The following GALNT17 variants were observed in gnomAD, a reference collection of about 807,000 sequenced individuals.
GALNT17 encodes polypeptide N-acetylgalactosaminyltransferase 17.
Under a neutral mutation model 63.7 loss-of-function variants are expected in GALNT17, and 29 were observed. The ratio of observed to expected loss-of-function variants is 0.46; its 90% CI spans 0.34 to 0.62. The LOEUF (loss-of-function observed/expected upper bound fraction) is 0.62. GALNT17 is among the 20% of genes least tolerant of loss of function. The pLI, the probability that GALNT17 is intolerant of heterozygous loss-of-function variation, is 0.01. For synonymous variants in GALNT17, 305 were observed against 318.3 expected, an observed-to-expected ratio of 0.96 and a Z score of 0.45; for missense variants, 603 against 799.6, an observed-to-expected ratio of 0.75 and a Z score of 2.97.
intron 2 of GALNT17, among the ~76,000 whole-genome samples, chr7:71,365,978 G>A (rs1441134052): frequency 6.6e-6 from 1 of 152,158 alleles, no homozygotes; most frequent in Non-Finnish European, 1.5e-5. Context: ...TCCCATCTGG[G>A]GGTGATGGGA....
intron 6 of GALNT17, among the ~76,000 whole-genome samples, chr7:71,627,498 C>G (rs564520477): frequency 1.3e-5 from 2 of 152,160 alleles, no homozygotes; most frequent in Non-Finnish European, 2.9e-5. Flanking sequence ...TTGAGATACC[C>G]CAATGGCGGG....
chr7:71,299,065 G>A (rs532699734), intron 1 of GALNT17, among the ~76,000 whole-genome samples: 7 of 152,194 alleles, frequency 4.6e-5, no homozygotes, highest in South Asian at 2.1e-4. Context: ...ACTCACCTGC[G>A]GAGAGAGGGA....
chr7:71,411,338 T>C (rs1793426771), intron 3 of GALNT17, among the ~76,000 whole-genome samples: 1 of 152,006 alleles, frequency 6.6e-6, no homozygotes, highest in Non-Finnish European at 1.5e-5. Flanking sequence ...TAGGCTGGTC[T>C]CGAACTCCTG....
At chr7:71,326,018 A>T (rs1791698083) in intron 1 of GALNT17, among the ~76,000 whole-genome samples, 2 of 152,210 alleles carry the variant, frequency 1.3e-5, no homozygotes, top group South Asian at 4.1e-4. Context: ...GCTTAATATC[A>T]GAGAAGGCTA....
chr7:71,526,918 A>T (rs898324946), intron 5 of GALNT17, among the ~76,000 whole-genome samples: 1 of 152,124 alleles, frequency 6.6e-6, no homozygotes, highest in African/African-American at 2.4e-5. Context: ...ATTTCTATGG[A>T]GCTGTAATCT....
intron 9 of GALNT17, among the ~76,000 whole-genome samples, chr7:71,687,206 C>A (rs1791372632): frequency 1.3e-5 from 2 of 152,220 alleles, no homozygotes; most frequent in Admixed American, 6.5e-5. Context: ...TCAGTTAATT[C>A]ATCACCAAAA....
intron 1 of GALNT17, among the ~76,000 whole-genome samples, chr7:71,211,553 T>A (rs987043409): frequency 6.6e-6 from 1 of 152,146 alleles, no homozygotes; most frequent in African/African-American, 2.4e-5. Context: ...GAAGCAGCTT[T>A]GGAATTGGGT....
intron 5 of GALNT17, among the ~76,000 whole-genome samples, chr7:71,445,585 A>G (rs188018408): frequency 4.1e-4 from 62 of 152,280 alleles, no homozygotes; most frequent in African/African-American, 1.4e-3. Flanking sequence ...GTTCCAGACA[A>G]CTAGGTAACC....
chr7:71,144,783 G>A (rs181582805), intron 1 of GALNT17, among the ~76,000 whole-genome samples: 11 of 152,256 alleles, frequency 7.2e-5, no homozygotes, highest in African/African-American at 2.4e-4. Context: ...AGGCTGGAGT[G>A]CAGTGGCACA....
chr7:71,646,456 G>A (rs912645153), intron 6 of GALNT17, among the ~76,000 whole-genome samples: 1 of 152,174 alleles, frequency 6.6e-6, no homozygotes, highest in African/African-American at 2.4e-5. Context: ...TATCTCATGA[G>A]TAGAATGGAG....
At chr7:71,558,161 T>C (rs1218066146) in intron 5 of GALNT17, among the ~76,000 whole-genome samples, 1 of 152,220 alleles carries the variant, frequency 6.6e-6, no homozygotes, top group South Asian at 2.1e-4. Flanking sequence ...CTTCATCTTC[T>C]AGCACAGAGG....
At chr7:71,512,519 G>A (rs1205044341) in intron 5 of GALNT17, among the ~76,000 whole-genome samples, 2 of 152,150 alleles carry the variant, frequency 1.3e-5, no homozygotes, top group Non-Finnish European at 2.9e-5. Flanking sequence ...TTGAAAAACC[G>A]CTTCAGTCAG....
At chr7:71,341,832 G>T (rs1225989691) in intron 2 of GALNT17, among the ~76,000 whole-genome samples, 1 of 152,168 alleles carries the variant, frequency 6.6e-6, no homozygotes, top group Non-Finnish European at 1.5e-5. Context: ...GGAAGATGAT[G>T]AAGAGATGCT....
chr7:71,577,469 C>G (rs1213133961), intron 6 of GALNT17, among the ~76,000 whole-genome samples: 2 of 152,082 alleles, frequency 1.3e-5, no homozygotes, highest in African/African-American at 4.8e-5. Flanking sequence ...AGTAAGCCAT[C>G]ATGGAGGAAA....
At chr7:71,599,563 C>A (rs907607715) in intron 6 of GALNT17, among the ~76,000 whole-genome samples, 5 of 152,024 alleles carry the variant, frequency 3.3e-5, no homozygotes, top group African/African-American at 1.2e-4. Flanking sequence ...CAGGGACCAG[C>A]TGAATTTTAA....
At chr7:71,408,338 A>G (rs537814367) in intron 3 of GALNT17, among the ~76,000 whole-genome samples, 25 of 152,346 alleles carry the variant, frequency 1.6e-4, no homozygotes, top group African/African-American at 6.0e-4. Flanking sequence ...CACAGTGAGC[A>G]GCATGCCCAA....
chr7:71,618,748 C>T (rs546650196), intron 6 of GALNT17, among the ~76,000 whole-genome samples: 32 of 152,236 alleles, frequency 2.1e-4, no homozygotes, highest in African/African-American at 7.7e-4. Flanking sequence ...TATCTTCTCC[C>T]GTTCTATAGG....
At chr7:71,380,701 G>A (rs1792828959) in intron 2 of GALNT17, among the ~76,000 whole-genome samples, 2 of 152,140 alleles carry the variant, frequency 1.3e-5, no homozygotes, top group Admixed American at 6.5e-5. Flanking sequence ...GAGAGTGATG[G>A]ACGAGGCAAG....
chr7:71,435,464 C>T (rs113239634), intron 5 of GALNT17, among the ~76,000 whole-genome samples: 28 of 152,312 alleles, frequency 1.8e-4, no homozygotes, highest in African/African-American at 6.0e-4. Context: ...GTTTAGGAGT[C>T]ATGCAGCTGG....
Sources: allele counts gnomAD v4.1 joint callset (sites outside exome capture counted in the v4.1 genomes callset), GRCh38; gene constraint gnomAD v4.1.1; transcripts MANE v1.5; gene names NCBI Gene and HGNC (gene_info 2026-07-23, HGNC 2026-07-21).